The following PAFAH1B1 variants were observed in gnomAD, a reference collection of about 807,000 sequenced individuals.
PAFAH1B1 encodes the protein platelet activating factor acetylhydrolase 1b regulatory subunit 1.
A neutral mutation model predicts 57.5 loss-of-function variants in PAFAH1B1; 2 were observed. The ratio of observed to expected loss-of-function variants is 0.03; its 90% CI spans 0.01 to 0.11. The LOEUF is 0.11. Ranked by LOEUF, PAFAH1B1 falls within the 10% of genes least tolerant of loss-of-function variation. The pLI is 1.00. For missense variants in PAFAH1B1, 257 were observed against 512.0 expected (o/e 0.50, Z 4.81); for synonymous variants, 152 against 169.6 (o/e 0.90, Z 0.81).
intron 8 of PAFAH1B1, 100 bp from the exon 9 acceptor site, chr17:2,676,404 CA>C: frequency 6.2e-6 from 5 of 810,410 alleles, no homozygotes; most frequent in Non-Finnish European, 6.3e-6. Context: ...CAAAATGCAA[CA>C]AAAAAATTGG....
intron 2 of PAFAH1B1, among the ~76,000 whole-genome samples, chr17:2,653,418 TAAA>T (rs34906915): frequency 4.8e-5 from 7 of 147,282 alleles, no homozygotes; most frequent in African/African-American, 1.8e-4. Context: ...TTAAAAGTAT[TAAA>T]AAAAAAAAAG....
intron 2 of PAFAH1B1, among the ~76,000 whole-genome samples, chr17:2,642,651 C>T (rs1457786174): frequency 6.6e-6 from 1 of 152,170 alleles, no homozygotes; most frequent in East Asian, 1.9e-4. Flanking sequence ...TTGTTTCCCT[C>T]ATACTTCCAC....
chr17:2,663,231 T>C (rs1403311399), intron 2 of PAFAH1B1, among the ~76,000 whole-genome samples: 4 of 151,852 alleles, frequency 2.6e-5, no homozygotes, highest in Non-Finnish European at 5.9e-5. Flanking sequence ...TGAGTGGAGA[T>C]CGCACCACTG....
At chr17:2,626,580 G>C (rs936113479) in intron 1 of PAFAH1B1, among the ~76,000 whole-genome samples, 1 of 89,324 alleles carries the variant, frequency 1.1e-5, no homozygotes, top group Admixed American at 1.8e-4. Flanking sequence ...CCGAGGCGGA[G>C]TCTTGTTCTG....
chr17:2,593,940 C>T lies in PAFAH1B1; in HGVS notation c.-257C>T, dbSNP rs962671846. The T allele has an allele frequency of 3.0e-5, 12 of 395,444 alleles. No homozygotes were observed. Among genetic ancestry groups the T allele is most frequent in the Admixed American group, 1.8e-4 (4 of 22,580 alleles). 24.5% of individuals were successfully genotyped at this position (395,444 alleles called of 1,614,324 possible). The stretch of plus-strand genomic sequence containing the variant: ...CTTCCTCCCTCCCCTCTCCCTCCCC[C>T]TCCCCCGCCGGTGGATGGGAGTGAA... On this transcript the variant is annotated 5_prime_UTR_variant, in exon 1 of 11. Coordinates refer to ENST00000397195, the MANE Select transcript of PAFAH1B1 (RefSeq NM_000430.4).
chr17:2,666,932 A>G (rs1338475858), intron 4 of PAFAH1B1, 60 bp from the exon 5 acceptor site: 1 of 1,351,014 alleles, frequency 7.4e-7, no homozygotes, highest in East Asian at 2.3e-5. Flanking sequence ...AGTTTTTTAA[A>G]ATGTCACATG....
chr17:2,669,161 A>C (rs977977089), intron 5 of PAFAH1B1, among the ~76,000 whole-genome samples: 13 of 152,030 alleles, frequency 8.6e-5, no homozygotes, highest in African/African-American at 3.1e-4. Context: ...GTTTCTCCCC[A>C]TTACTGTCTG....
intron 2 of PAFAH1B1, among the ~76,000 whole-genome samples, chr17:2,665,072 A>G (rs2069087588): frequency 6.6e-6 from 1 of 152,188 alleles, no homozygotes; most frequent in Admixed American, 6.6e-5. Flanking sequence ...TAGAGTGCCT[A>G]CAGCTTGTGA....
At chr17:2,681,586 C>T (rs530851046) in intron 10 of PAFAH1B1, 143 bp from the exon 11 acceptor site, 24 of 652,048 alleles carry the variant, frequency 3.7e-5, no homozygotes, top group African/African-American at 1.3e-4. Context: ...ATCAGTCTCC[C>T]GAGTAGCTGG....
rs529207861 is a variant in PAFAH1B1 at position 2,628,381 on chromosome 17, C to G, written c.-190-9718C>G. On this transcript the variant is annotated intron_variant, in intron 1 of 10. Transcript: ENST00000397195. The stretch of plus-strand genomic sequence containing the variant: ...TATGTATTGTATCACATTTATTGAC[C>G]TGCATATATTAAACCATCCCTGCAT... Among the ~76,000 whole-genome samples, 19 of 152,126 alleles carry G rather than the reference C, an allele frequency of 1.2e-4. No individual in the cohort carries two copies. The South Asian group carries it at 3.9e-3, about 32-fold the overall frequency.
intron 6 of PAFAH1B1, 185 bp downstream of exon 6, chr17:2,670,516 T>G (rs2069167327): frequency 1.2e-5 from 7 of 606,432 alleles, no homozygotes; most frequent in Non-Finnish European, 2.0e-5. Flanking sequence ...TATTAGGAAG[T>G]TTTAAGTATC....
At chr17:2,596,144 G>T (rs2068082081) in intron 1 of PAFAH1B1, among the ~76,000 whole-genome samples, 1 of 152,054 alleles carries the variant, frequency 6.6e-6, no homozygotes, top group African/African-American at 2.4e-5. Flanking sequence ...CTTTAAAATA[G>T]ACACTTATTG....
In PAFAH1B1 at chr17:2,680,261, A is replaced by C. The variant is rs776901912; in HGVS notation, c.1100A>C (p.Tyr367Ser). The C allele has an allele frequency of 6.2e-7, 1 of 1,614,176 alleles. No homozygotes were observed. Among genetic ancestry groups the C allele is most frequent in the Admixed American group, 1.7e-5 (1 of 60,020 alleles). ...GACAAGACCCTACGCGTATGGGATT[A>C]CAAGAACAAGCGATGCATGAAGACC... The part of the protein sequence containing the change: ...ADDKTLRVWD[Y>S]KNKRCMKTLN... The change falls in exon 10 of 11, where the codon TAC becomes TCC. Residue 367 changes from tyrosine to serine, a missense_variant. Tyr to Ser is a moderately radical substitution (Grantham distance 144). Transcript: ENST00000397195.
intron 1 of PAFAH1B1, among the ~76,000 whole-genome samples, chr17:2,628,890 T>G (rs1768813874): frequency 6.6e-6 from 1 of 152,230 alleles, no homozygotes; most frequent in South Asian, 2.1e-4. Context: ...GTGCTCACAG[T>G]AGCCTTGAAT....
intron 1 of PAFAH1B1, among the ~76,000 whole-genome samples, chr17:2,600,586 A>C (rs1314815716): frequency 1.1e-4 from 16 of 150,394 alleles, no homozygotes; most frequent in African/African-American, 2.9e-4. Flanking sequence ...AAAAAAAAAA[A>C]CCAAAAAAAG....
intron 1 of PAFAH1B1, among the ~76,000 whole-genome samples, chr17:2,636,954 C>T (rs2068632415): frequency 1.3e-5 from 2 of 152,078 alleles, no homozygotes; most frequent in Admixed American, 1.3e-4. Context: ...CTCCTGGGCT[C>T]AAGTGATCCT....
chr17:2,664,033 G>A lies in PAFAH1B1; in HGVS notation c.33-1339G>A, dbSNP rs111324296. Among the ~76,000 whole-genome samples the A allele has an allele frequency of 1.5e-3, 228 of 152,166 alleles. 1 individual carries two copies. Among genetic ancestry groups the A allele is most frequent in the African/African-American group, 5.3e-3 (220 of 41,518 alleles). The stretch of plus-strand genomic sequence containing the variant: ...CTGACCTTGTGATTTGCCCGCCTCG[G>A]CCTCCCAAAGTGCTGGGATTACAGA... On this transcript the variant is annotated intron_variant, in intron 2 of 10. Transcript: ENST00000397195.
In PAFAH1B1 at chr17:2,683,120, A is replaced by T. The variant is rs1358047763; in HGVS notation, c.*1318A>T. On this transcript the variant is annotated 3_prime_UTR_variant, in exon 11 of 11. Transcript: ENST00000397195. The stretch of plus-strand genomic sequence containing the variant: ...ACTCTGGGGATTTTTTTCCAGCCGA[A>T]GGAAAATCACTTCCGTTATGTCCCC... 1.3e-5 allele frequency: 2 copies of T among 152,222 alleles called. No individual in the cohort carries two copies. The highest frequency in any genetic ancestry group is 2.9e-5 in the Non-Finnish European group (2 of 68,042). 9.4% of individuals were successfully genotyped at this position (152,222 alleles called of 1,614,324 possible). A position where few individuals can be genotyped will look rare whatever the true frequency, so the allele number is the denominator to read the frequency against.
intron 2 of PAFAH1B1, chr17:2,640,900 T>C (rs2068686937): frequency 6.6e-6 from 1 of 152,180 alleles, no homozygotes; most frequent in Non-Finnish European, 1.5e-5. Flanking sequence ...GTGTAGTTAC[T>C]GTCATTTTCT....
Sources: gnomAD v4.1 joint callset for allele counts (sites outside exome capture counted in the v4.1 genomes callset) on GRCh38, gnomAD v4.1.1 for gene constraint, MANE v1.5 for transcripts, NCBI Gene and HGNC (gene_info 2026-07-23, HGNC 2026-07-21) for gene names.